Variants in COL19A1 observed in about 807,000 individuals in gnomAD.
COL19A1 encodes the protein collagen alpha-1(XIX) chain.
COL19A1 carries 159 observed loss-of-function variants against 190.2 expected under a neutral mutation model. That is an observed-to-expected ratio of 0.84 (90% CI 0.73 to 0.95). The LOEUF (loss-of-function observed/expected upper bound fraction) is 0.95, where lower values mean the gene tolerates loss of function less well. COL19A1 is among the 40% of genes least tolerant of loss of function. The pLI, the probability that COL19A1 is intolerant of heterozygous loss-of-function variation, is 0.00. For missense variants in COL19A1, 1,418 were observed against 1,431.9 expected, an observed-to-expected ratio of 0.99 and a Z score of 0.16; for synonymous variants, 509 against 458.9, an observed-to-expected ratio of 1.11 and a Z score of -1.39.
intron 16 of COL19A1, among the ~76,000 whole-genome samples, chr6:70,113,853 T>C (rs1468999822): frequency 6.9e-6 from 1 of 144,124 alleles, no homozygotes; most frequent in African/African-American, 2.6e-5. Flanking sequence ...TTTTTTTTTT[T>C]TTTTTTTTTT....
intron 4 of COL19A1, among the ~76,000 whole-genome samples, chr6:69,913,497 C>T (rs1176466358): frequency 6.6e-6 from 1 of 152,120 alleles, no homozygotes; most frequent in African/African-American, 2.4e-5. Flanking sequence ...GGAAAAGCTT[C>T]ATAGAGGAAG....
intron 8 of COL19A1, among the ~76,000 whole-genome samples, chr6:69,937,279 A>G (rs75622206): frequency 1.2e-3 from 177 of 152,214 alleles, no homozygotes; most frequent in African/African-American, 4.1e-3. Context: ...CATACACAAA[A>G]ATACTCTACA....
At chr6:70,167,218 C>A (rs76326226) in intron 37 of COL19A1, among the ~76,000 whole-genome samples, 5,904 of 152,258 alleles carry the variant, frequency 0.039, 154 homozygotes, top group Non-Finnish European at 0.059. Context: ...TACTGGCCAC[C>A]ATCATACAGA....
chr6:69,975,093 G>A (rs1775642874), intron 11 of COL19A1, among the ~76,000 whole-genome samples: 2 of 152,092 alleles, frequency 1.3e-5, no homozygotes, highest in South Asian at 2.1e-4. Flanking sequence ...GATTATAGGC[G>A]TGAGCCACCG....
chr6:69,953,957 T>C (rs1319976670), intron 9 of COL19A1, among the ~76,000 whole-genome samples: 1 of 152,032 alleles, frequency 6.6e-6, no homozygotes, highest in Non-Finnish European at 1.5e-5. Context: ...AAGACATCTA[T>C]GATTTTAGAT....
At chr6:70,177,511 A>C (rs1765889980) in intron 42 of COL19A1, among the ~76,000 whole-genome samples, 1 of 152,206 alleles carries the variant, frequency 6.6e-6, no homozygotes, top group Non-Finnish European at 1.5e-5. Flanking sequence ...CATCATCTGC[A>C]TCCTTCGTAG....
chr6:69,879,636 C>G lies in COL19A1; in HGVS notation c.69C>G (p.Ser23=), dbSNP rs375883070. 1 of 1,614,098 alleles carries G rather than the reference C, an allele frequency of 6.2e-7. No homozygotes were observed. The highest frequency in any genetic ancestry group is 1.1e-5 in the South Asian group (1 of 91,082). ...MSIFLLPAST[S]VTVRDKTEES... ...TATTTCTGCTTCCTGCTTCCACTTC[C>G]GTGACCGTTAGGGACAAGACAGGTA... is the stretch of plus-strand genomic sequence containing the variant. The change falls in exon 2 of 51, where the codon TCC becomes TCG. Residue 23 remains serine (S), a synonymous_variant. Coordinates refer to ENST00000620364, the MANE Select transcript of COL19A1 (RefSeq NM_001858.6).
intron 9 of COL19A1, among the ~76,000 whole-genome samples, chr6:69,940,555 A>G (rs1350384609): frequency 1.3e-5 from 2 of 152,214 alleles, no homozygotes; most frequent in Non-Finnish European, 2.9e-5. Context: ...TCTTAGAGTA[A>G]CAATGCATTA....
intron 16 of COL19A1, among the ~76,000 whole-genome samples, chr6:70,105,564 C>T (rs1783902395): frequency 6.6e-6 from 1 of 152,128 alleles, no homozygotes; most frequent in Admixed American, 6.6e-5. Context: ...GAGATGTTCC[C>T]CCTTAATTGT....
intron 7 of COL19A1, among the ~76,000 whole-genome samples, chr6:69,935,365 C>T (rs1420772193): frequency 6.6e-6 from 1 of 151,902 alleles, no homozygotes; most frequent in Non-Finnish European, 1.5e-5. Context: ...TTTAAATCCT[C>T]AATTTAATAT....
chr6:70,179,936 G>GA (rs1425681961), intron 42 of COL19A1, among the ~76,000 whole-genome samples: 2 of 152,150 alleles, frequency 1.3e-5, no homozygotes, highest in Non-Finnish European at 2.9e-5. Context: ...AGGCTGGAGT[G>GA]AAATGTCATG....
intron 12 of COL19A1, among the ~76,000 whole-genome samples, chr6:70,024,443 T>C (rs562956431): frequency 6.6e-6 from 1 of 152,242 alleles, no homozygotes; most frequent in East Asian, 1.9e-4. Context: ...ACATGACTTA[T>C]AAAAGAATAA....
intron 4 of COL19A1, among the ~76,000 whole-genome samples, chr6:69,922,418 CA>C: frequency 6.8e-6 from 1 of 147,244 alleles, no homozygotes; most frequent in Non-Finnish European, 1.5e-5. Flanking sequence ...TCATGAGATG[CA>C]AAAATATTTT....
At chr6:70,179,404 C>G (rs1031494692) in intron 42 of COL19A1, among the ~76,000 whole-genome samples, 3 of 152,190 alleles carry the variant, frequency 2.0e-5, no homozygotes, top group African/African-American at 7.2e-5. Context: ...CCTGCACACT[C>G]AGGCCTTGTG....
intron 11 of COL19A1, among the ~76,000 whole-genome samples, chr6:69,996,957 T>A (rs1401280132): frequency 6.6e-6 from 1 of 151,144 alleles, no homozygotes; most frequent in African/African-American, 2.4e-5. Context: ...TGTATGTACA[T>A]ATATAGTATG....
chr6:70,100,646 C>G (rs1409543274), intron 15 of COL19A1, among the ~76,000 whole-genome samples: 1 of 151,260 alleles, frequency 6.6e-6, no homozygotes, highest in Non-Finnish European at 1.5e-5. Flanking sequence ...GCACATACCA[C>G]CATGCCTGGC....
intron 27 of COL19A1, among the ~76,000 whole-genome samples, chr6:70,148,993 C>A (rs1346346595): frequency 1.3e-5 from 2 of 150,678 alleles, no homozygotes; most frequent in Non-Finnish European, 3.0e-5. Flanking sequence ...CACTCAGGGA[C>A]ACAGGATAAA....
chr6:69,944,587 C>T (rs763417599), intron 9 of COL19A1, among the ~76,000 whole-genome samples: 16 of 152,144 alleles, frequency 1.1e-4, no homozygotes, highest in African/African-American at 3.6e-4. Flanking sequence ...TTGATTTAAT[C>T]AGGTTTAGCT....
intron 11 of COL19A1, among the ~76,000 whole-genome samples, chr6:70,004,722 A>C (rs6910162): frequency 0.15 from 22,716 of 152,096 alleles, 2,256 homozygotes; most frequent in East Asian, 0.27. Context: ...TCCATCAGGT[A>C]ATTTATGTTC....
Sources: gnomAD v4.1 joint callset for allele counts (sites outside exome capture counted in the v4.1 genomes callset) on GRCh38, gnomAD v4.1.1 for gene constraint, MANE v1.5 for transcripts, NCBI Gene and HGNC (gene_info 2026-07-23, HGNC 2026-07-21) for gene names.